RORA: variants seen among roughly 807,000 people sequenced by gnomAD.
The protein encoded by RORA is RAR related orphan receptor A.
A neutral mutation model predicts 69.5 loss-of-function variants in RORA; 7 were observed. That is an observed-to-expected ratio of 0.10 (90% CI 0.06 to 0.19). The LOEUF is 0.19. Among genes scored for constraint, RORA ranks in the 10% least tolerant of loss-of-function variants. RORA has a pLI of 1.00. For missense variants in RORA, 457 were observed against 663.0 expected (o/e 0.69, Z 3.41); for synonymous variants, 261 against 240.8 (o/e 1.08, Z -0.78).
At chr15:60,515,439 C>T (rs536048283) in intron 3 of RORA, among the ~76,000 whole-genome samples, 23 of 152,164 alleles carry the variant, frequency 1.5e-4, no homozygotes, top group African/African-American at 2.4e-4. Context: ...AAGTTCCTCT[C>T]GTGTCAAGTG....
chr15:61,011,792 C>A (rs1895095491), intron 1 of RORA, among the ~76,000 whole-genome samples: 1 of 152,174 alleles, frequency 6.6e-6, no homozygotes, highest in Admixed American at 6.5e-5. Context: ...TACCAAGTGC[C>A]CACTTAAGGA....
At chr15:60,612,072 A>C (rs756235828) in intron 2 of RORA, among the ~76,000 whole-genome samples, 1 of 152,198 alleles carries the variant, frequency 6.6e-6, no homozygotes, top group Non-Finnish European at 1.5e-5. Context: ...ACCCAGAGAA[A>C]TGTTTCCTCA....
rs142257723 is a variant in RORA, at chr15:61,199,123, C to T, written c.166+29930G>A. Among the ~76,000 whole-genome samples, 837 of 152,196 alleles carry T rather than the reference C, an allele frequency of 5.5e-3. 5 individuals are homozygous for T. Among genetic ancestry groups the T allele is most frequent in the Middle Eastern group, 0.014 (4 of 292 alleles). On this transcript the variant is annotated intron_variant, in intron 1 of 10. Coordinates refer to ENST00000335670, the MANE Select transcript of RORA (RefSeq NM_134261.3). ...CAAAGAAAAGTTAGCAAGTGATGGCCCCAAGTAGCTTTTGCATTTTAATTT... is the reference window on the plus strand; with the variant it reads ...CAAAGAAAAGTTAGCAAGTGATGGCTCCAAGTAGCTTTTGCATTTTAATTT...
At chr15:60,958,191 A>G (rs1424050945) in intron 1 of RORA, among the ~76,000 whole-genome samples, 1 of 152,208 alleles carries the variant, frequency 6.6e-6, no homozygotes, top group East Asian at 1.9e-4. Context: ...TAATTTTCCT[A>G]AAGTGGTGAT....
At chr15:61,181,722 C>T (rs1178576788) in intron 1 of RORA, among the ~76,000 whole-genome samples, 2 of 149,418 alleles carry the variant, frequency 1.3e-5, no homozygotes, top group African/African-American at 2.5e-5. Flanking sequence ...AGGTCATTTC[C>T]ATGTTCAGCT....
intron 1 of RORA, among the ~76,000 whole-genome samples, chr15:60,780,154 C>G (rs1347062292): frequency 6.6e-6 from 1 of 152,128 alleles, no homozygotes; most frequent in Non-Finnish European, 1.5e-5. Context: ...AATTTTCTTT[C>G]TTTTTTGCCA....
At chr15:60,535,629 T>G (rs751356134) in intron 2 of RORA, among the ~76,000 whole-genome samples, 5 of 152,172 alleles carry the variant, frequency 3.3e-5, no homozygotes, top group Non-Finnish European at 5.9e-5. Flanking sequence ...AAGATGACAT[T>G]TATTCCTCAG....
At chr15:61,059,434 T>C (rs767940341) in intron 1 of RORA, among the ~76,000 whole-genome samples, 6 of 152,254 alleles carry the variant, frequency 3.9e-5, no homozygotes, top group African/African-American at 7.2e-5. Flanking sequence ...CTTTGAAAGA[T>C]AGTTCACTTT....
At chr15:60,625,988 A>G (rs1261006828) in intron 2 of RORA, among the ~76,000 whole-genome samples, 1 of 152,226 alleles carries the variant, frequency 6.6e-6, no homozygotes, top group African/African-American at 2.4e-5. Flanking sequence ...ATGGGGGTCG[A>G]CAAGTTGTGT....
chr15:60,531,917 G>T lies in RORA; in HGVS notation c.197-66C>A. 2.2e-6 allele frequency: 2 copies of T among 911,860 alleles called. No individual in the cohort carries two copies. The highest frequency in any genetic ancestry group is 3.5e-6 in the Non-Finnish European group (2 of 574,762). 56.5% of individuals were successfully genotyped at this position (911,860 alleles called of 1,614,324 possible). On this transcript the variant is annotated intron_variant, in intron 2 of 10. Coordinates refer to ENST00000335670, the MANE Select transcript of RORA (RefSeq NM_134261.3). The surrounding 1 kb of genome is among the most constrained non-coding windows in gnomAD (Gnocchi z 4.8). ...TAAACACCTTATAAAAGCGTTCCCT[G>T]ATCAGCATTTGTATAGTGAAAACTA...
chr15:60,873,165 T>A (rs2073575550), intron 1 of RORA, among the ~76,000 whole-genome samples: 1 of 152,092 alleles, frequency 6.6e-6, no homozygotes, highest in Non-Finnish European at 1.5e-5. Flanking sequence ...CATCTCAGAT[T>A]CTGACTCTCT....
At chr15:61,165,771 G>A (rs1295899891) in intron 1 of RORA, among the ~76,000 whole-genome samples, 3 of 152,182 alleles carry the variant, frequency 2.0e-5, no homozygotes, top group Admixed American at 6.5e-5. Flanking sequence ...CCCATTCTTA[G>A]TTGCACAGGG....
intron 1 of RORA, among the ~76,000 whole-genome samples, chr15:61,103,727 C>A (rs756229182): frequency 5.9e-5 from 9 of 152,188 alleles, no homozygotes; most frequent in Non-Finnish European, 1.2e-4. Context: ...CCAGATATGG[C>A]AGCCAGCAGA....
intron 2 of RORA, among the ~76,000 whole-genome samples, chr15:60,607,093 C>T (rs1416457812): frequency 6.6e-6 from 1 of 152,014 alleles, no homozygotes; most frequent in East Asian, 1.9e-4. Flanking sequence ...CAAAGAGAGA[C>T]AATAAATATT....
At chr15:60,668,761 A>T (rs1204711649) in intron 2 of RORA, among the ~76,000 whole-genome samples, 1 of 152,258 alleles carries the variant, frequency 6.6e-6, no homozygotes, top group Non-Finnish European at 1.5e-5. Flanking sequence ...ATGATTCATT[A>T]TACTGGAGAC....
chr15:61,126,955 A>C (rs962596455), intron 1 of RORA, among the ~76,000 whole-genome samples: 9 of 152,222 alleles, frequency 5.9e-5, no homozygotes, highest in Non-Finnish European at 1.2e-4. Flanking sequence ...GCGGAGAACA[A>C]ATTGCCCTGG....
At chr15:60,521,625 G>A (rs1294087677) in intron 3 of RORA, among the ~76,000 whole-genome samples, 1 of 152,072 alleles carries the variant, frequency 6.6e-6, no homozygotes, top group Non-Finnish European at 1.5e-5. Context: ...AGATTGATTC[G>A]AGTTTTCTGA....
At chr15:60,516,185 T>TTAAATATATATATTTATATATATATTTA (rs2065932661) in intron 3 of RORA, among the ~76,000 whole-genome samples, 15 of 19,276 alleles carry the variant, frequency 7.8e-4, no homozygotes, top group African/African-American at 3.7e-3. Flanking sequence ...ATATATATAT[T>TTAAATATATATATTTATATATATATTTA]TATATATATA....
At chr15:61,122,631 G>T (rs2079113697) in intron 1 of RORA, among the ~76,000 whole-genome samples, 1 of 152,102 alleles carries the variant, frequency 6.6e-6, no homozygotes, top group Non-Finnish European at 1.5e-5. Context: ...AAAAATTGAG[G>T]CTAAGAGAAT....
Sources: gnomAD v4.1 joint callset for allele counts (sites outside exome capture counted in the v4.1 genomes callset) on GRCh38, gnomAD v4.1.1 for gene constraint, Gnocchi (gnomAD v3.1) non-coding constraint, MANE v1.5 for transcripts, NCBI Gene and HGNC (gene_info 2026-07-23, HGNC 2026-07-21) for gene names.